Variants in SCAI observed in about 807,000 individuals in gnomAD.
The protein encoded by SCAI is suppressor of cancer cell invasion, also known as protein SCAI.
Under a neutral mutation model 92.2 loss-of-function variants are expected in SCAI, and 24 were observed. That is an observed-to-expected ratio of 0.26 (90% CI 0.19 to 0.37). The LOEUF (loss-of-function observed/expected upper bound fraction) is 0.37. Among genes scored for constraint, SCAI ranks in the 10% least tolerant of loss-of-function variants. SCAI has a pLI of 1.00. For synonymous variants in SCAI, 261 were observed against 258.6 expected, an observed-to-expected ratio of 1.01 and a Z score of -0.09; for missense variants, 450 against 736.2, an observed-to-expected ratio of 0.61 and a Z score of 4.50.
intron 2 of SCAI, among the ~76,000 whole-genome samples, chr9:125,122,224 C>G (rs7851553): frequency 0.023 from 3,526 of 152,282 alleles, 143 homozygotes; most frequent in African/African-American, 0.081. Flanking sequence ...TCTCTCAATA[C>G]AGATTCTATA....
At chr9:125,066,874 T>A (rs184148330) in intron 2 of SCAI, among the ~76,000 whole-genome samples, 5 of 152,350 alleles carry the variant, frequency 3.3e-5, no homozygotes, top group African/African-American at 1.2e-4. Flanking sequence ...TAACATTGTA[T>A]AATTGCTAAC....
intron 17 of SCAI, among the ~76,000 whole-genome samples, chr9:124,959,485 C>CACACACATATATATACACATATATATAT (rs1564357449): frequency 2.2e-5 from 1 of 44,628 alleles, no homozygotes; most frequent in African/African-American, 7.5e-5. Context: ...TATATATATA[C>CACACACATATATATACACATATATATAT]ACACACACAT....
chr9:124,964,578 T>G (rs1024858480), intron 17 of SCAI, among the ~76,000 whole-genome samples: 9 of 152,220 alleles, frequency 5.9e-5, no homozygotes, highest in Admixed American at 2.0e-4. Flanking sequence ...ATACATACTC[T>G]GTGTAATGAA....
chr9:125,142,625 T>C lies in SCAI; in HGVS notation c.98+8A>G. 1 of 1,612,890 alleles carries C rather than the reference T, an allele frequency of 6.2e-7. No homozygotes were observed. Among genetic ancestry groups the C allele is most frequent in the Non-Finnish European group, 8.5e-7 (1 of 1,178,924 alleles). ...AACATGAAGCAAAATAGGAAGGCAC[T>C]GCCTTACCTGCTTCTCCGTTTTCGA... On this transcript the variant is annotated splice_region_variant and intron_variant, in intron 2 of 17. Coordinates refer to ENST00000336505, the MANE Select transcript of SCAI (RefSeq NM_001144877.3).
At chr9:125,142,545 T>C in intron 2 of SCAI, 88 bp downstream of exon 2, 1 of 926,386 alleles carries the variant, frequency 1.1e-6, no homozygotes, top group Middle Eastern at 2.2e-4. Flanking sequence ...AAACTTCATC[T>C]ACTGACAGTA....
At chr9:125,055,778 C>T (rs1433066322) in intron 3 of SCAI, 98 bp downstream of exon 3, 1 of 868,508 alleles carries the variant, frequency 1.2e-6, no homozygotes. Flanking sequence ...ATTTATATGA[C>T]ATTCTACCCA....
intron 2 of SCAI, among the ~76,000 whole-genome samples, chr9:125,109,649 C>T (rs1588231142): frequency 2.2e-5 from 3 of 133,792 alleles, no homozygotes; most frequent in African/African-American, 8.2e-5. Flanking sequence ...ATCAAGGTTT[C>T]CATTTATCTA....
intron 3 of SCAI, among the ~76,000 whole-genome samples, chr9:125,036,685 T>C (rs1207270859): frequency 1.3e-5 from 2 of 152,236 alleles, no homozygotes; most frequent in African/African-American, 2.4e-5. Flanking sequence ...ACAAAAGGTA[T>C]GTATAGAGTA....
intron 1 of SCAI, 74 bp downstream of exon 1, chr9:125,143,311 C>A: frequency 1.0e-6 from 1 of 960,934 alleles, no homozygotes; most frequent in Non-Finnish European, 1.4e-6. Context: ...TCCACCGCCC[C>A]GAGCCGCTGC....
At chr9:125,034,884 A>G (rs1432935366) in intron 3 of SCAI, among the ~76,000 whole-genome samples, 1 of 152,210 alleles carries the variant, frequency 6.6e-6, no homozygotes, top group Non-Finnish European at 1.5e-5. Context: ...TGGCTTTGCT[A>G]TGTATAATAT....
chr9:125,099,415 T>C (rs1343725045), intron 2 of SCAI, among the ~76,000 whole-genome samples: 1 of 152,034 alleles, frequency 6.6e-6, no homozygotes, highest in East Asian at 1.9e-4. Flanking sequence ...GCCCGCCTAG[T>C]AGATGAGATG....
rs544942005 is a variant in SCAI at position 125,089,666 on chromosome 9, GT to G, written c.99-33660del. 3.9e-4 allele frequency among the ~76,000 whole-genome samples: 58 copies of G among 150,458 alleles called. No homozygotes were observed. The South Asian group carries it at 0.011, about 28-fold the overall frequency. ...AAGTTTGAGGCAGTAATCTAGCTGG[GT>G]TTTTTTTTGGTTTGGGGTTGGGGGG... On this transcript the variant is annotated intron_variant, in intron 2 of 17. Coordinates refer to ENST00000336505, the MANE Select transcript of SCAI (RefSeq NM_001144877.3).
rs768297116 is a variant in SCAI, at chr9:125,003,186, T to G, written c.993A>C (p.Glu331Asp). Reference sequence around the variant, plus strand: ...TGTAGAGCAGATACTTGTGGGGGTTTTCTCGTCTAGTAGGCTTGTCAGCTG... The same window carrying G: ...TGTAGAGCAGATACTTGTGGGGGTTGTCTCGTCTAGTAGGCTTGTCAGCTG... ...QESADKPTRRENPHKYLLYKP... is the reference protein window; with the variant it reads ...QESADKPTRRDNPHKYLLYKP... Residue 331 changes from glutamate to aspartate, a missense_variant, in exon 11 of 18, where the codon GAA (glutamate) becomes GAC (aspartate). Transcript: ENST00000336505. 1.1e-5 allele frequency: 17 copies of G among 1,613,940 alleles called. No homozygotes were observed. In the Admixed American group the frequency reaches 2.8e-4, roughly 27 times the overall value.
chr9:125,108,962 T>C (rs1446334060), intron 2 of SCAI, among the ~76,000 whole-genome samples: 1 of 152,246 alleles, frequency 6.6e-6, no homozygotes, highest in African/African-American at 2.4e-5. Flanking sequence ...GTTGTTGCTG[T>C]GTCTGTGTAG....
chr9:125,096,741 C>T (rs1834560431), intron 2 of SCAI, among the ~76,000 whole-genome samples: 1 of 152,230 alleles, frequency 6.6e-6, no homozygotes, highest in Non-Finnish European at 1.5e-5. Context: ...GCCTCTATCC[C>T]ATTCTCCCAG....
rs1831144206 is a variant in SCAI, at chr9:124,946,272, TATTC to T, written c.*6531_*6534del. 4 of 152,354 alleles carry T rather than the reference TATTC, an allele frequency of 2.6e-5. 1 individual carries two copies. The South Asian group carries it at 8.3e-4, about 32-fold the overall frequency. 9.4% of individuals were successfully genotyped at this position (152,354 alleles called of 1,614,324 possible). On this transcript the variant is annotated 3_prime_UTR_variant, in exon 18 of 18. Transcript: ENST00000336505. This position sits in a 1 kb window ranked among gnomAD's most constrained non-coding sequence, Gnocchi z 4.0. ...TAATAAATTACCAAATTTTAATATT[TATTC>T]AAGAAAAATGCTGTTATAATTATTT...
intron 2 of SCAI, among the ~76,000 whole-genome samples, chr9:125,074,274 A>AT (rs1268282288): frequency 1.3e-5 from 2 of 149,190 alleles, no homozygotes; most frequent in Admixed American, 1.3e-4. Context: ...AAAAAAAAAA[A>AT]AAGATAGAGT....
chr9:125,077,710 CATTT>C (rs112822474), intron 2 of SCAI, among the ~76,000 whole-genome samples: 26 of 151,364 alleles, frequency 1.7e-4, no homozygotes, highest in African/African-American at 5.8e-4. Flanking sequence ...AGATACTTGA[CATTT>C]ATTTATTTAT....
chr9:125,110,606 C>G (rs1176663854), intron 2 of SCAI, among the ~76,000 whole-genome samples: 1 of 152,120 alleles, frequency 6.6e-6, no homozygotes, highest in Non-Finnish European at 1.5e-5. Flanking sequence ...CTCGTGAGAT[C>G]TGGTTGCCTC....
Sources: allele counts gnomAD v4.1 joint callset (sites outside exome capture counted in the v4.1 genomes callset), GRCh38; gene constraint gnomAD v4.1.1; non-coding constraint Gnocchi (gnomAD v3.1); transcripts MANE v1.5; gene names NCBI Gene and HGNC (gene_info 2026-07-23, HGNC 2026-07-21).